The following PTP4A1 variants were observed in gnomAD, a reference collection of about 807,000 sequenced individuals.
PTP4A1 encodes protein tyrosine phosphatase 4A1.
A neutral mutation model predicts 20.5 loss-of-function variants in PTP4A1; 9 were observed. The ratio of observed to expected loss-of-function variants is 0.44; its 90% CI spans 0.26 to 0.77. The LOEUF (loss-of-function observed/expected upper bound fraction) is 0.77. Ranked by LOEUF, PTP4A1 falls within the 30% of genes least tolerant of loss-of-function variation. The pLI is 0.19. For synonymous variants in PTP4A1, 78 were observed against 67.4 expected, an observed-to-expected ratio of 1.16 and a Z score of -0.77; for missense variants, 137 against 218.8, an observed-to-expected ratio of 0.63 and a Z score of 2.36.
At chr6:63,561,034 T>C (rs1776926565) in intron 3 of PTP4A1, among the ~76,000 whole-genome samples, 1 of 152,206 alleles carries the variant, frequency 6.6e-6, no homozygotes, top group African/African-American at 2.4e-5. Flanking sequence ...AATAATTCCT[T>C]TACAGGATCA....
intron 3 of PTP4A1, among the ~76,000 whole-genome samples, chr6:63,552,481 G>T (rs571981068): frequency 6.6e-6 from 1 of 152,068 alleles, no homozygotes; most frequent in African/African-American, 2.4e-5. Flanking sequence ...CCATTCTGTA[G>T]GTTGCCTGTT....
intron 2 of PTP4A1, among the ~76,000 whole-genome samples, chr6:63,543,333 C>A (rs1776059358): frequency 1.3e-5 from 2 of 152,072 alleles, no homozygotes; most frequent in Non-Finnish European, 2.9e-5. Flanking sequence ...TTCTTTCTTT[C>A]AATTATATCA....
At chr6:63,555,828 G>A (rs1371174848) in intron 3 of PTP4A1, among the ~76,000 whole-genome samples, 2 of 151,906 alleles carry the variant, frequency 1.3e-5, no homozygotes, top group Non-Finnish European at 2.9e-5. Flanking sequence ...CAAGTAGCTG[G>A]AATTACAGGT....
At chr6:63,549,017 G>T (rs974226445) in intron 2 of PTP4A1, 9 of 728,178 alleles carry the variant, frequency 1.2e-5, no homozygotes, top group African/African-American at 1.2e-4. Flanking sequence ...CAACCAGCTC[G>T]ATGGGATCCA....
chr6:63,541,090 T>C (rs766541822), intron 2 of PTP4A1, among the ~76,000 whole-genome samples: 1 of 151,906 alleles, frequency 6.6e-6, no homozygotes, highest in Non-Finnish European at 1.5e-5. Context: ...ACAGAATGAA[T>C]AGTGTGCCCT....
intron 3 of PTP4A1, among the ~76,000 whole-genome samples, chr6:63,560,354 A>AAAG (rs1554140535): frequency 1.3e-5 from 2 of 149,850 alleles, no homozygotes; most frequent in African/African-American, 5.0e-5. Context: ...AAAAAAAAAA[A>AAAG]AAAGAAAGAA....
At position 63,526,803 on chromosome 6, in the gene PTP4A1, G is replaced by GTATATATATATATATATA. The variant is rs376671990; in HGVS notation, c.-905-1000_-905-983dup. Among the ~76,000 whole-genome samples, 108 of 101,406 alleles carry GTATATATATATATATATA rather than the reference G, an allele frequency of 1.1e-3. 1 individual carries two copies. The highest frequency in any genetic ancestry group is 3.7e-3 in the African/African-American group (86 of 22,956). 66.5% of individuals were successfully genotyped at this position (101,406 alleles called of 152,430 possible). On this transcript the variant is annotated intron_variant, in intron 1 of 3. Transcript: ENST00000639568. ...CAGAGCAAGACTCTATCTCAAAAAT[G>GTATATATATATATATATA]TATATATATATATATATATATATAT...
chr6:63,533,892 G>T (rs1488693341), intron 2 of PTP4A1, among the ~76,000 whole-genome samples: 2 of 151,918 alleles, frequency 1.3e-5, no homozygotes, highest in Non-Finnish European at 2.9e-5. Flanking sequence ...CGTCCAAGCT[G>T]GAGTTCAGTG....
chr6:63,566,424 CATT>C (rs1777191692), intron 3 of PTP4A1, among the ~76,000 whole-genome samples: 1 of 152,054 alleles, frequency 6.6e-6, no homozygotes, highest in Admixed American at 6.6e-5. Context: ...TAAACCAAGA[CATT>C]ATTATCAGTG....
intron 1 of PTP4A1, among the ~76,000 whole-genome samples, chr6:63,522,438 A>G (rs572882653): frequency 6.6e-6 from 1 of 152,324 alleles, no homozygotes; most frequent in African/African-American, 2.4e-5. Flanking sequence ...GACCCTAGTT[A>G]CAATTCAGGT....
At chr6:63,531,512 CTTTTTTT>C (rs753354152) in intron 2 of PTP4A1, among the ~76,000 whole-genome samples, 1 of 128,538 alleles carries the variant, frequency 7.8e-6, no homozygotes, top group South Asian at 2.5e-4. Context: ...ATCTATTATG[CTTTTTTT>C]TTTTTTTTTT....
At chr6:63,571,038 C>CTT (rs2149503885), upstream of PTP4A1, 1 of 152,228 alleles carries the variant, frequency 6.6e-6, no homozygotes, top group African/African-American at 2.4e-5. Context: ...TGTAAAGGGA[C>CTT]ATATTTCTCA....
chr6:63,517,560 G>A (rs1774774661), upstream of PTP4A1, among the ~76,000 whole-genome samples: 2 of 151,956 alleles, frequency 1.3e-5, no homozygotes, highest in East Asian at 3.9e-4. Context: ...ATGAACAAAA[G>A]AAACAATTTT....
the PTP4A1 span, among the ~76,000 whole-genome samples, chr6:63,516,509 C>T: frequency 2.6e-5 from 4 of 152,158 alleles, no homozygotes; most frequent in African/African-American, 9.7e-5. Flanking sequence ...TTGACTCCAC[C>T]AGCTGTGAGC....
At chr6:63,544,678 T>C (rs1776112000) in intron 2 of PTP4A1, among the ~76,000 whole-genome samples, 1 of 152,182 alleles carries the variant, frequency 6.6e-6, no homozygotes, top group African/African-American at 2.4e-5. Flanking sequence ...TACAAGCCAA[T>C]TATACCAAGA....
intron 2 of PTP4A1, among the ~76,000 whole-genome samples, chr6:63,531,400 G>GA (rs5876859): frequency 0.54 from 81,391 of 151,086 alleles, 23,649 homozygotes; most frequent in African/African-American, 0.77. Context: ...TATTTGGAAA[G>GA]AAAAAACATA....
chr6:63,572,765 C>CCGGCCCCCCATCCCCGCT, intron 1 of PTP4A1, 46 bp downstream of exon 1: 1 of 398,374 alleles, frequency 2.5e-6, no homozygotes, highest in Non-Finnish European at 4.4e-6. Context: ...GAATCCACGA[C>CCGGCCCCCCATCCCCGCT]CGGCCCCCCA....
chr6:63,571,114 A>G (rs1777403459), upstream of PTP4A1: 1 of 152,176 alleles, frequency 6.6e-6, no homozygotes, highest in Non-Finnish European at 1.5e-5. Flanking sequence ...TTTCTTCCAA[A>G]TGACGAAGAG....
intron 3 of PTP4A1, among the ~76,000 whole-genome samples, chr6:63,555,616 T>A (rs553551019): frequency 2.0e-5 from 3 of 151,890 alleles, no homozygotes; most frequent in Admixed American, 2.0e-4. Context: ...AGCTTTGTAT[T>A]ACCAAAGGCA....
Sources: allele counts gnomAD v4.1 joint callset (sites outside exome capture counted in the v4.1 genomes callset), GRCh38; gene constraint gnomAD v4.1.1; transcripts MANE v1.5; gene names NCBI Gene and HGNC (gene_info 2026-07-23, HGNC 2026-07-21).